The following INPP5A variants were observed in gnomAD, a reference collection of about 807,000 sequenced individuals.
INPP5A encodes the protein inositol polyphosphate-5-phosphatase A.
Under a neutral mutation model 65.2 loss-of-function variants are expected in INPP5A, and 14 were observed. The observed-to-expected ratio is 0.21, with a 90% CI of 0.14 to 0.34. The LOEUF is 0.34. INPP5A is among the 10% of genes least tolerant of loss of function. The pLI is 1.00. For synonymous variants in INPP5A, 207 were observed against 208.3 expected, an observed-to-expected ratio of 0.99 and a Z score of 0.05; for missense variants, 431 against 545.6, an observed-to-expected ratio of 0.79 and a Z score of 2.09.
In INPP5A at chr10:132,644,311, G is replaced by GCTGCCA. The variant is rs1207537230; in HGVS notation, c.118-1555_118-1550dup. ...ACGGCCGCCCTTGTCTCCTGCTGCC[G>GCTGCCA]CTGCCACCTGCAGCACAGACGGAGC... On this transcript the variant is annotated intron_variant, in intron 2 of 15. Transcript: ENST00000368594. The surrounding 1 kb of genome is among the most constrained non-coding windows in gnomAD (Gnocchi z 6.5). Among the ~76,000 whole-genome samples, 2 of 152,208 alleles carry GCTGCCA rather than the reference G, an allele frequency of 1.3e-5. No individual in the cohort carries two copies. The highest frequency in any genetic ancestry group is 4.8e-5 in the African/African-American group (2 of 41,456).
intron 2 of INPP5A, among the ~76,000 whole-genome samples, chr10:132,615,555 G>A (rs975343778): frequency 6.6e-5 from 10 of 152,332 alleles, no homozygotes; most frequent in African/African-American, 1.9e-4. Flanking sequence ...CACTGCGCTT[G>A]GTTTGACCGA....
intron 12 of INPP5A, among the ~76,000 whole-genome samples, chr10:132,766,356 C>T (rs1275064183): frequency 2.0e-5 from 3 of 152,192 alleles, no homozygotes; most frequent in African/African-American, 4.8e-5. Context: ...GACTTGCTCA[C>T]GAGGGACCTA....
rs896664619 is a variant in INPP5A, at chr10:132,550,732, C to T, written c.75+12561C>T. On this transcript the variant is annotated intron_variant, in intron 1 of 15. Coordinates refer to ENST00000368594, the MANE Select transcript of INPP5A (RefSeq NM_005539.5). This position sits in a 1 kb window ranked among gnomAD's most constrained non-coding sequence, Gnocchi z 4.2. ...GAAACACTAGTTTGGTCCCGCCTGA[C>T]CTCATGGAAGACGGTGGAGGTGGCA... Among the ~76,000 whole-genome samples the T allele has an allele frequency of 6.6e-6, 1 of 152,228 alleles. No homozygotes were observed. The highest frequency in any genetic ancestry group is 2.4e-5 in the African/African-American group (1 of 41,448).
intron 1 of INPP5A, among the ~76,000 whole-genome samples, chr10:132,596,954 CACAT>C (rs2071707454): frequency 7.6e-6 from 1 of 131,060 alleles, no homozygotes; most frequent in Non-Finnish European, 1.6e-5. Context: ...CGTGTGTGCA[CACAT>C]GTGTGCGTGT....
At chr10:132,662,283 G>A (rs569217084) in intron 4 of INPP5A, among the ~76,000 whole-genome samples, 8 of 152,266 alleles carry the variant, frequency 5.3e-5, no homozygotes, top group Non-Finnish European at 8.8e-5. Flanking sequence ...TCACCCAGCC[G>A]TTTCCCTCTT....
intron 1 of INPP5A, among the ~76,000 whole-genome samples, chr10:132,568,950 C>T (rs1332552628): frequency 3.5e-5 from 5 of 141,782 alleles, no homozygotes; most frequent in East Asian, 2.1e-4. Context: ...GAATCTCGCT[C>T]GGTCACCCAG....
chr10:132,540,063 C>G (rs554317324), intron 1 of INPP5A, among the ~76,000 whole-genome samples: 1 of 152,302 alleles, frequency 6.6e-6, no homozygotes, highest in East Asian at 1.9e-4. Context: ...CTATTCTAGG[C>G]TTTCCAGTAA....
At chr10:132,754,519 C>T (rs1846555394) in intron 11 of INPP5A, among the ~76,000 whole-genome samples, 1 of 152,258 alleles carries the variant, frequency 6.6e-6, no homozygotes, top group Admixed American at 6.5e-5. Flanking sequence ...GCCTGGGGCC[C>T]TCACCCCTCC....
intron 2 of INPP5A, among the ~76,000 whole-genome samples, chr10:132,610,972 A>G (rs2071937237): frequency 6.6e-6 from 1 of 151,984 alleles, no homozygotes; most frequent in South Asian, 2.1e-4. Flanking sequence ...GGAGATGAGG[A>G]GTGCAGGGGA....
intron 2 of INPP5A, among the ~76,000 whole-genome samples, chr10:132,611,113 T>A (rs1180808443): frequency 2.2e-5 from 2 of 91,938 alleles, no homozygotes; most frequent in Admixed American, 1.1e-4. Context: ...GGAGGTGAGG[T>A]GGGCAGGGGA....
At position 132,547,955 on chromosome 10, in the gene INPP5A, A is replaced by G. The variant is rs1315397693; in HGVS notation, c.75+9784A>G. On this transcript the variant is annotated intron_variant, in intron 1 of 15. Transcript: ENST00000368594. This position sits in a 1 kb window ranked among gnomAD's most constrained non-coding sequence, Gnocchi z 5.5. ...CACTCCATCACCCAGGCTGGAGTAC[A>G]ATGGCGTGATCTCACCTCACTGCGA... is the stretch of plus-strand genomic sequence containing the variant. Among the ~76,000 whole-genome samples, 1 of 151,406 alleles carries G rather than the reference A, an allele frequency of 6.6e-6. No homozygotes were observed. The highest frequency in any genetic ancestry group is 1.5e-5 in the Non-Finnish European group (1 of 67,858).
intron 1 of INPP5A, among the ~76,000 whole-genome samples, chr10:132,556,689 T>A (rs763031281): frequency 6.6e-6 from 1 of 152,254 alleles, no homozygotes; most frequent in Non-Finnish European, 1.5e-5. Context: ...TGGTCAGGCT[T>A]TAAAATGTGA....
intron 3 of INPP5A, among the ~76,000 whole-genome samples, chr10:132,649,383 G>A (rs1037247899): frequency 6.6e-6 from 1 of 152,206 alleles, no homozygotes; most frequent in African/African-American, 2.4e-5. Context: ...GTAGGATGAC[G>A]GGACACATTC....
In INPP5A at chr10:132,650,056, C is replaced by T. The variant is rs1413438884; in HGVS notation, c.219-362C>T. 6.6e-6 allele frequency among the ~76,000 whole-genome samples: 1 copy of T among 152,182 alleles called. No homozygotes were observed. Among genetic ancestry groups the T allele is most frequent in the Non-Finnish European group, 1.5e-5 (1 of 68,026 alleles). ...GGTGGCTACTGGGGGTCCAATTTCTCTCTTAAGACCAAGCGTGAGCTATCA... is the reference window on the plus strand; with the variant it reads ...GGTGGCTACTGGGGGTCCAATTTCTTTCTTAAGACCAAGCGTGAGCTATCA... On this transcript the variant is annotated intron_variant, in intron 3 of 15. Coordinates refer to ENST00000368594, the MANE Select transcript of INPP5A (RefSeq NM_005539.5). This position sits in a 1 kb window ranked among gnomAD's most constrained non-coding sequence, Gnocchi z 5.5.
At chr10:132,696,137 TC>T (rs1432825325) in intron 5 of INPP5A, among the ~76,000 whole-genome samples, 1 of 152,162 alleles carries the variant, frequency 6.6e-6, no homozygotes, top group Admixed American at 6.5e-5. Flanking sequence ...GGACTTCCCA[TC>T]CCTCCAAACT....
At chr10:132,780,562 C>T (rs1399336128) in intron 13 of INPP5A, among the ~76,000 whole-genome samples, 1 of 152,248 alleles carries the variant, frequency 6.6e-6, no homozygotes, top group East Asian at 1.9e-4. Flanking sequence ...CGGGCCAGCA[C>T]CCGCGGCTCC....
chr10:132,570,913 C>CGGCACAGCG (rs1314211747), intron 1 of INPP5A, among the ~76,000 whole-genome samples: 21 of 152,242 alleles, frequency 1.4e-4, no homozygotes, highest in African/African-American at 5.1e-4. Context: ...CGCCTCTCAT[C>CGGCACAGCG]GGCACAGCGG....
At chr10:132,668,954 G>C (rs2072843695) in intron 4 of INPP5A, among the ~76,000 whole-genome samples, 1 of 152,142 alleles carries the variant, frequency 6.6e-6, no homozygotes, top group African/African-American at 2.4e-5. Context: ...ACACAGGAAG[G>C]TTAAGAAACA....
intron 2 of INPP5A, among the ~76,000 whole-genome samples, chr10:132,640,253 G>C (rs567980310): frequency 5.9e-4 from 90 of 152,362 alleles, no homozygotes; most frequent in African/African-American, 2.0e-3. Context: ...GTGCTGGTCA[G>C]AGCCCACCTC....
Sources: gnomAD v4.1 joint callset for allele counts (sites outside exome capture counted in the v4.1 genomes callset) on GRCh38, gnomAD v4.1.1 for gene constraint, Gnocchi (gnomAD v3.1) non-coding constraint, MANE v1.5 for transcripts, NCBI Gene and HGNC (gene_info 2026-07-23, HGNC 2026-07-21) for gene names.